FRY: variants seen among roughly 807,000 people sequenced by gnomAD.
The protein encoded by FRY is protein furry homolog.
FRY carries 128 observed loss-of-function variants against 348.4 expected under a neutral mutation model. The observed-to-expected ratio is 0.37, with a 90% CI of 0.32 to 0.43. The LOEUF is 0.43. FRY is among the 20% of genes least tolerant of loss of function. FRY has a pLI of 1.00. For synonymous variants in FRY, 1,370 were observed against 1,374.7 expected (o/e 1.00, Z 0.08); for missense variants, 2,736 against 3,695.2 (o/e 0.74, Z 6.73).
chr13:32,249,143 G>C (rs1886946631), intron 48 of FRY, among the ~76,000 whole-genome samples: 2 of 152,192 alleles, frequency 1.3e-5, no homozygotes, highest in Non-Finnish European at 2.9e-5. Context: ...AGTATATAAA[G>C]ATTAATGATT....
intron 2 of FRY, among the ~76,000 whole-genome samples, chr13:32,096,129 T>G (rs1408446037): frequency 6.6e-6 from 1 of 152,164 alleles, no homozygotes; most frequent in Non-Finnish European, 1.5e-5. Flanking sequence ...GTTCTCTTTA[T>G]TTTTTAGCTA....
At chr13:32,083,668 A>G (rs932630753) in intron 2 of FRY, among the ~76,000 whole-genome samples, 2 of 152,164 alleles carry the variant, frequency 1.3e-5, no homozygotes, top group African/African-American at 2.4e-5. Flanking sequence ...ACACAACTGT[A>G]TATCTCAAAC....
intron 33 of FRY, among the ~76,000 whole-genome samples, chr13:32,210,295 T>C (rs534392545): frequency 2.0e-4 from 30 of 152,348 alleles, no homozygotes; most frequent in African/African-American, 7.2e-4. Flanking sequence ...ATTTCTGTGC[T>C]GGTTGTTTTT....
intron 8 of FRY, among the ~76,000 whole-genome samples, chr13:32,132,293 GTGCCCA>G (rs1879418906): frequency 8.0e-6 from 1 of 125,498 alleles, no homozygotes; most frequent in Non-Finnish European, 1.7e-5. Context: ...TTATTGCCCA[GTGCCCA>G]TCATGGTACA....
At chr13:32,183,506 G>A (rs1324728546) in intron 24 of FRY, among the ~76,000 whole-genome samples, 11 of 152,230 alleles carry the variant, frequency 7.2e-5, no homozygotes, top group African/African-American at 1.7e-4. Context: ...GGCCAGGCGC[G>A]ATGGCGCACG....
intron 28 of FRY, among the ~76,000 whole-genome samples, chr13:32,190,069 A>G (rs1883250224): frequency 6.6e-6 from 1 of 152,022 alleles, no homozygotes; most frequent in Non-Finnish European, 1.5e-5. Context: ...TCTCAGATGT[A>G]CGAAAAGCAT....
At chr13:32,138,172 G>A (rs1879840148) in intron 11 of FRY, among the ~76,000 whole-genome samples, 2 of 150,926 alleles carry the variant, frequency 1.3e-5, no homozygotes. Flanking sequence ...CTGCCATATA[G>A]CTCTAACATG....
At chr13:32,259,637 G>T (rs1179921379) in intron 51 of FRY, among the ~76,000 whole-genome samples, 1 of 152,138 alleles carries the variant, frequency 6.6e-6, no homozygotes, top group Non-Finnish European at 1.5e-5. Context: ...TCAGTTTTTT[G>T]AATTTGTGTT....
chr13:32,152,315 T>A (rs1483516782), intron 14 of FRY, among the ~76,000 whole-genome samples: 2 of 152,184 alleles, frequency 1.3e-5, no homozygotes, highest in African/African-American at 2.4e-5. Context: ...ATAACCAACA[T>A]AATTTTGTAA....
intron 1 of FRY, among the ~76,000 whole-genome samples, chr13:32,075,417 A>G (rs1464540232): frequency 2.0e-5 from 3 of 152,174 alleles, no homozygotes. Context: ...TTTTGCTACT[A>G]GCATTTCTAC....
intron 58 of FRY, among the ~76,000 whole-genome samples, chr13:32,280,213 A>G (rs1054989136): frequency 3.9e-5 from 6 of 152,224 alleles, no homozygotes; most frequent in Non-Finnish European, 5.9e-5. Context: ...GTCTGTCAAC[A>G]TAGGCAAATA....
Position 32,084,087 on chromosome 13 carries a change from G to A in FRY, c.270+5054G>A, listed in dbSNP as rs141506747. 3.5e-3 allele frequency among the ~76,000 whole-genome samples: 534 copies of A among 152,186 alleles called. 4 individuals are homozygous for A. Among genetic ancestry groups the A allele is most frequent in the African/African-American group, 0.012 (512 of 41,522 alleles). On this transcript the variant is annotated intron_variant, in intron 2 of 60. Transcript: ENST00000542859. ...ATATTTCCAAGCACTTACTCCGTGT[G>A]AGCTTTTGGGTTATCTGAGCCCATC...
chr13:32,262,177 C>CTA, intron 52 of FRY, 137 bp from the exon 53 acceptor site: 2 of 715,336 alleles, frequency 2.8e-6, no homozygotes, highest in Non-Finnish European at 5.0e-6. Context: ...TTACTAGCTG[C>CTA]TATGTTTAAG....
At position 32,116,391 on chromosome 13, in the gene FRY, G is replaced by A. The variant is rs568865902; in HGVS notation, c.325-943G>A. Among the ~76,000 whole-genome samples the A allele has an allele frequency of 1.1e-4, 16 of 152,118 alleles. No homozygotes were observed. The South Asian group carries it at 1.2e-3, about 12-fold the overall frequency. ...AAGGCCTTAGTCAGACATGTGTTTC[G>A]CAAATATTTTCTCCCACTCTGTGGT... On this transcript the variant is annotated intron_variant, in intron 3 of 60. Transcript: ENST00000542859.
intron 11 of FRY, among the ~76,000 whole-genome samples, chr13:32,144,200 C>CAAA (rs199998762): frequency 7.3e-6 from 1 of 137,204 alleles, no homozygotes; most frequent in Non-Finnish European, 1.6e-5. Flanking sequence ...TATTAACAGG[C>CAAA]AAAAAAAAAC....
intron 46 of FRY, among the ~76,000 whole-genome samples, chr13:32,240,880 A>G (rs1886462956): frequency 6.6e-6 from 1 of 152,190 alleles, no homozygotes; most frequent in Admixed American, 6.5e-5. Context: ...AAGGCTCCAC[A>G]AGCCTGAAAG....
chr13:32,249,570 T>C lies in FRY; in HGVS notation c.7053T>C (p.Ser2351=). The C allele has an allele frequency of 6.2e-7, 1 of 1,614,210 alleles. No homozygotes were observed. The highest frequency in any genetic ancestry group is 8.5e-7 in the Non-Finnish European group (1 of 1,180,026). The change falls in exon 49 of 61, where the codon TCT becomes TCC. Residue 2351 remains serine, a synonymous_variant. Transcript: ENST00000542859. ...GGTATGATGAGCTGCAGAATTCTTC[T>C]GGGCGTGATGGGAAGCCCAGGGCCA... The part of the protein sequence containing the change: ...GRRYDELQNS[S]GRDGKPRAMA...
chr13:32,201,917 T>G, intron 29 of FRY, 24 bp from the exon 30 acceptor site: 1 of 1,255,146 alleles, frequency 8.0e-7, no homozygotes. Context: ...ATGCTTTTTT[T>G]GTTTTGTTCT....
Position 32,183,074 on chromosome 13 carries a change from G to A in FRY, c.3054+40G>A, listed in dbSNP as rs373224124. Reference sequence around the variant, plus strand: ...TTAAAAAATTAAGGCTTGGTTTTTTGGACAATCATCTGAATTTAAATCAAA... The same window carrying A: ...TTAAAAAATTAAGGCTTGGTTTTTTAGACAATCATCTGAATTTAAATCAAA... On this transcript the variant is annotated intron_variant, in intron 24 of 60. Transcript: ENST00000542859. The A allele has an allele frequency of 5.4e-5, 67 of 1,244,910 alleles. No homozygotes were observed. In the Middle Eastern group the frequency reaches 7.7e-4, roughly 14 times the overall value. 77.1% of individuals were successfully genotyped at this position (1,244,910 alleles called of 1,614,324 possible).
Sources: gnomAD v4.1 joint callset for allele counts (sites outside exome capture counted in the v4.1 genomes callset) on GRCh38, gnomAD v4.1.1 for gene constraint, MANE v1.5 for transcripts, NCBI Gene and HGNC (gene_info 2026-07-23, HGNC 2026-07-21) for gene names.